Variants in HNF4G observed in about 807,000 individuals in gnomAD.
HNF4G encodes hepatocyte nuclear factor 4-gamma.
HNF4G carries 21 observed loss-of-function variants against 50.9 expected under a neutral mutation model. That is an observed-to-expected ratio of 0.41 (90% CI 0.29 to 0.59). The LOEUF (loss-of-function observed/expected upper bound fraction) is 0.59. Ranked by LOEUF, HNF4G falls within the 20% of genes least tolerant of loss-of-function variation. The probability of loss-of-function intolerance (pLI) is 0.26; values close to 1 mark genes in which losing one functional copy is unlikely to be tolerated. For synonymous variants in HNF4G, 198 were observed against 185.6 expected (o/e 1.07, Z -0.54); for missense variants, 527 against 559.4 (o/e 0.94, Z 0.58).
Position 75,551,430 on chromosome 8 carries a change from C to T in HNF4G, c.425C>T (p.Thr142Ile), listed in dbSNP as rs1434626366. The part of the protein sequence containing the change: ...ERDRISTRRS[T>I]FDGSNIPSIN... The stretch of plus-strand genomic sequence containing the variant: ...GACAGAATAAGCACCAGAAGAAGCA[C>T]ATTTGATGGCAGCAACATCCCCTCC... The change falls in exon 4 of 10, where the codon ACA becomes ATA. Residue 142 changes from threonine (T) to isoleucine (I), a missense_variant. Thr to Ile is a moderately conservative substitution (Grantham distance 89). Around this residue, in one of 5 missense-constraint regions of HNF4G, gnomAD observed 128 missense variants for 135.3 expected, o/e 0.95. Transcript: ENST00000396423. 7.4e-6 allele frequency: 12 copies of T among 1,613,360 alleles called. No individual in the cohort carries two copies. Among genetic ancestry groups the T allele is most frequent in the South Asian group, 1.1e-5 (1 of 91,072 alleles).
At chr8:75,547,405 G>A (rs1806815860) in intron 2 of HNF4G, among the ~76,000 whole-genome samples, 182 bp from the exon 3 acceptor site, 1 of 152,258 alleles carries the variant, frequency 6.6e-6, no homozygotes, top group Non-Finnish European at 1.5e-5. Flanking sequence ...TAAGTGAGAG[G>A]TGAGGCTCGC....
At chr8:75,467,636 GCA>G (rs1382765794) in intron 1 of HNF4G, among the ~76,000 whole-genome samples, 30 of 150,012 alleles carry the variant, frequency 2.0e-4, no homozygotes, top group Admixed American at 7.3e-4. Context: ...CTCCAGCCTG[GCA>G]ACAGAGCAAG....
intron 1 of HNF4G, among the ~76,000 whole-genome samples, chr8:75,456,434 C>T (rs1171290119): frequency 1.3e-5 from 2 of 152,032 alleles, no homozygotes; most frequent in Admixed American, 6.6e-5. Flanking sequence ...TTTTATCTTC[C>T]TGAGAGCATG....
intron 6 of HNF4G, 82 bp downstream of exon 6, chr8:75,556,151 C>A (rs540261504): frequency 4.8e-6 from 3 of 618,962 alleles, no homozygotes; most frequent in African/African-American, 1.9e-5. Context: ...TCTGTATGTA[C>A]CAAGTATTTA....
upstream of HNF4G, among the ~76,000 whole-genome samples, chr8:75,534,917 A>T (rs1030882758): frequency 2.6e-5 from 4 of 152,004 alleles, no homozygotes; most frequent in African/African-American, 9.6e-5. Flanking sequence ...TTAAATTTTT[A>T]AAATTTTCAA....
Position 75,414,363 on chromosome 8 carries a change from A to C in HNF4G, c.-144+6201A>C, listed in dbSNP as rs571503191. Among the ~76,000 whole-genome samples, 27 of 152,102 alleles carry C rather than the reference A, an allele frequency of 1.8e-4. 1 individual carries two copies. The highest frequency in any genetic ancestry group is 3.8e-4 in the Non-Finnish European group (26 of 68,024). ...AGTTTATTCCTTTGGGGGAGAAAAA[A>C]AAACCTTGGATTTATGAGGTGTTAT... On this transcript the variant is annotated intron_variant, in intron 1 of 10. Coordinates refer to the HNF4G transcript ENST00000354370.
intron 1 of HNF4G, among the ~76,000 whole-genome samples, chr8:75,480,347 A>G (rs1187560179): frequency 1.3e-5 from 2 of 152,224 alleles, no homozygotes; most frequent in East Asian, 1.9e-4. Context: ...CAAAGCTGGC[A>G]GCCCAGGCTG....
intron 2 of HNF4G, among the ~76,000 whole-genome samples, chr8:75,499,495 C>G (rs1204950649): frequency 6.6e-6 from 1 of 151,884 alleles, no homozygotes; most frequent in African/African-American, 2.4e-5. Context: ...TAACAAAATT[C>G]CAGTTGTCTT....
chr8:75,551,343 C>A, intron 3 of HNF4G, 45 bp from the exon 4 acceptor site: 1 of 1,083,328 alleles, frequency 9.2e-7, no homozygotes, highest in Non-Finnish European at 1.4e-6. Flanking sequence ...TTCTAACATA[C>A]ACTAAAGAGA....
At chr8:75,540,184 G>T in intron 1 of HNF4G, 104 bp downstream of exon 1, 1 of 691,606 alleles carries the variant, frequency 1.4e-6, no homozygotes, top group Non-Finnish European at 2.6e-6. Context: ...TTTTGCTGGA[G>T]AGTTTAGGGC....
chr8:75,560,240 C>G, intron 8 of HNF4G, 104 bp from the exon 9 acceptor site: 1 of 1,253,714 alleles, frequency 8.0e-7, no homozygotes, highest in Non-Finnish European at 1.1e-6. Context: ...AAGCACTTGG[C>G]AAAAATAGCG....
chr8:75,539,990 G>T lies in HNF4G; in HGVS notation c.28G>T (p.Asp10Tyr), dbSNP rs752101654. ...GATGAGGGTATCAGAACCAATACTG[G>T]ACATGGACATGGCAAATTACAGTGA... is the stretch of plus-strand genomic sequence containing the variant. MMRVSEPIL[D>Y]MDMANYSEVL... is the part of the protein sequence containing the mutation. Residue 10 changes from aspartate to tyrosine, a missense_variant, in exon 1 of 10, where the codon GAC becomes TAC. Asp to Tyr is a radical substitution (Grantham distance 160). Coordinates refer to ENST00000396423, the MANE Select transcript of HNF4G (RefSeq NM_004133.5). 5.0e-6 allele frequency: 8 copies of T among 1,590,108 alleles called. No homozygotes were observed. Among genetic ancestry groups the T allele is most frequent in the Non-Finnish European group, 5.2e-6 (6 of 1,158,382 alleles).
intron 2 of HNF4G, among the ~76,000 whole-genome samples, chr8:75,546,613 G>GAT (rs1343000171): frequency 1.3e-5 from 2 of 151,934 alleles, no homozygotes; most frequent in African/African-American, 4.8e-5. Flanking sequence ...AAAATCATAC[G>GAT]ATATATGATC....
At chr8:75,458,284 G>A (rs1276754654) in intron 1 of HNF4G, among the ~76,000 whole-genome samples, 1 of 150,970 alleles carries the variant, frequency 6.6e-6, no homozygotes, top group Non-Finnish European at 1.5e-5. Flanking sequence ...AGAATAAGAG[G>A]AAAATGTGAA....
Position 75,564,864 on chromosome 8 carries a change from G to C in HNF4G, c.*768G>C, listed in dbSNP as rs1284742200. The stretch of plus-strand genomic sequence containing the variant: ...TTCTCCTGAAACAATTTAGAAAATA[G>C]TTATCCATTGACTAGAAATTAGTAC... On this transcript the variant is annotated 3_prime_UTR_variant, in exon 10 of 10. Coordinates refer to ENST00000396423, the MANE Select transcript of HNF4G (RefSeq NM_004133.5). The C allele has an allele frequency of 6.6e-6, 1 of 152,154 alleles. No homozygotes were observed. The highest frequency in any genetic ancestry group is 3.2e-3 in the Middle Eastern group (1 of 316). 9.4% of individuals were successfully genotyped at this position (152,154 alleles called of 1,614,324 possible). A position where few individuals can be genotyped will look rare whatever the true frequency, so the allele number is the denominator to read the frequency against.
chr8:75,525,636 A>T (rs560203055), intron 2 of HNF4G, among the ~76,000 whole-genome samples: 1 of 152,180 alleles, frequency 6.6e-6, no homozygotes, highest in Non-Finnish European at 1.5e-5. Context: ...TAGTGATGAG[A>T]TTGAATATTT....
chr8:75,544,677 C>T (rs528346189), intron 2 of HNF4G, among the ~76,000 whole-genome samples: 19 of 150,194 alleles, frequency 1.3e-4, no homozygotes, highest in Non-Finnish European at 2.5e-4. Flanking sequence ...AATACCTAGT[C>T]AACATCATAA....
At chr8:75,550,017 C>T (rs986811132) in intron 3 of HNF4G, among the ~76,000 whole-genome samples, 2 of 152,108 alleles carry the variant, frequency 1.3e-5, no homozygotes. Context: ...AGACAACTCA[C>T]TCTTTCTTAA....
intron 1 of HNF4G, among the ~76,000 whole-genome samples, chr8:75,435,510 A>G (rs992969930): frequency 1.3e-5 from 2 of 152,196 alleles, no homozygotes; most frequent in African/African-American, 4.8e-5. Flanking sequence ...CACCACATCA[A>G]TTCAACATTG....
Sources: allele counts gnomAD v4.1 joint callset (sites outside exome capture counted in the v4.1 genomes callset), GRCh38; gene constraint gnomAD v4.1.1; regional missense constraint gnomAD v4.1.1; transcripts MANE v1.5; gene names NCBI Gene and HGNC (gene_info 2026-07-23, HGNC 2026-07-21).